Variants in IQCE observed in about 807,000 individuals in gnomAD.
IQCE encodes the protein IQ domain-containing protein E.
Under a neutral mutation model 96.0 loss-of-function variants are expected in IQCE, and 115 were observed. The ratio of observed to expected loss-of-function variants is 1.20; its 90% CI spans 1.03 to 1.40. The LOEUF is 1.40. Ranked by LOEUF, IQCE falls within the 40% of genes most tolerant of loss-of-function variation. The pLI, the probability that IQCE is intolerant of heterozygous loss-of-function variation, is 0.00. For synonymous variants in IQCE, 412 were observed against 371.2 expected (o/e 1.11, Z -1.26); for missense variants, 1,041 against 909.1 (o/e 1.15, Z -1.87).
intron 5 of IQCE, among the ~76,000 whole-genome samples, 185 bp from the exon 6 acceptor site, chr7:2,573,233 C>G (rs2304541): frequency 0.78 from 119,072 of 152,176 alleles, 47,098 homozygotes; most frequent in African/African-American, 0.88. Flanking sequence ...ACCATTTTTG[C>G]TTTTCTTGCT....
At chr7:2,560,801 C>T (rs866238044) in intron 1 of IQCE, among the ~76,000 whole-genome samples, 1 of 150,970 alleles carries the variant, frequency 6.6e-6, no homozygotes, top group Non-Finnish European at 1.5e-5. Flanking sequence ...ACTACAAATA[C>T]AAAAAATTAG....
rs74527069 is a variant in IQCE at position 2,587,806 on chromosome 7, G to T, written c.989-16G>T. Reference sequence around the variant, plus strand: ...CCCACCAGGATGCCGTTTTGAAACCGCATTGCTTCCATCAGGTTATGTGGA... The same window carrying T: ...CCCACCAGGATGCCGTTTTGAAACCTCATTGCTTCCATCAGGTTATGTGGA... On this transcript the variant is annotated splice_polypyrimidine_tract_variant and intron_variant, in intron 12 of 21. Transcript: ENST00000402050. 4.3e-6 allele frequency: 7 copies of T among 1,613,498 alleles called. No homozygotes were observed. The African/African-American group carries it at 8.0e-5, about 18-fold the overall frequency.
intron 8 of IQCE, 75 bp from the exon 9 acceptor site, chr7:2,582,505 C>G: frequency 8.0e-7 from 1 of 1,251,838 alleles, no homozygotes; most frequent in African/African-American, 1.5e-5. Context: ...TGCCGGTGCT[C>G]TGGCAGGAGG....
rs755938967 is a variant in IQCE, at chr7:2,573,417, G to A, written c.395-1G>A. On this transcript the variant is annotated splice_acceptor_variant, in intron 5 of 21. Transcript: ENST00000402050. LOFTEE classifies it high-confidence loss of function. ...GAAACGATTTGTTTATGTTTCTCTA[G>A]GTCATGTCCCTGGGACTCCTGTCTA... 1.4e-5 allele frequency: 20 copies of A among 1,409,898 alleles called. No individual in the cohort carries two copies. The South Asian group carries it at 2.3e-4, about 16-fold the overall frequency. The allele number at this position is 1,409,898 out of a possible 1,614,324, so 87.3% of individuals were successfully genotyped here.
At chr7:2,579,700 GGTGTGTGTGTGTGTGTGTGTGTGT>G (rs68086038) in intron 8 of IQCE, among the ~76,000 whole-genome samples, 2 of 133,006 alleles carry the variant, frequency 1.5e-5, no homozygotes, top group Non-Finnish European at 3.2e-5. Context: ...TTGTTCTGGT[GGTGTGTGTGTGTGTGTGTGTGTGT>G]GTGTGTGTGT....
At chr7:2,578,401 G>A (rs1416985223) in intron 7 of IQCE, 46 bp downstream of exon 7, 1 of 1,610,440 alleles carries the variant, frequency 6.2e-7, no homozygotes. Context: ...AGGGTCCTCG[G>A]GGCAGCATCT....
At chr7:2,578,941 C>T (rs1275667834) in intron 8 of IQCE, among the ~76,000 whole-genome samples, 1 of 152,012 alleles carries the variant, frequency 6.6e-6, no homozygotes, top group East Asian at 1.9e-4. Flanking sequence ...CTCCTGTAGT[C>T]CCGGCTACTC....
chr7:2,592,491 C>A (rs908070619), intron 14 of IQCE, among the ~76,000 whole-genome samples: 1 of 152,226 alleles, frequency 6.6e-6, no homozygotes, highest in African/African-American at 2.4e-5. Flanking sequence ...GACTCACAGG[C>A]CCTGAGCAGT....
At chr7:2,590,737 C>G (rs1274563470) in intron 14 of IQCE, among the ~76,000 whole-genome samples, 2 of 152,184 alleles carry the variant, frequency 1.3e-5, no homozygotes, top group African/African-American at 4.8e-5. Flanking sequence ...TGCACTCCAG[C>G]CTAGGCAACT....
intron 18 of IQCE, 136 bp downstream of exon 18, chr7:2,601,600 A>G: frequency 4.1e-6 from 3 of 735,180 alleles, no homozygotes; most frequent in Non-Finnish European, 7.3e-6. Context: ...CCCAGCCTGG[A>G]GTGCAGTGGT....
At position 2,559,161 on chromosome 7, in the gene IQCE, C is replaced by A; in HGVS notation, c.-21C>A. The A allele has an allele frequency of 8.3e-7, 1 of 1,207,832 alleles. No individual in the cohort carries two copies. Among genetic ancestry groups the A allele is most frequent in the Non-Finnish European group, 1.0e-6 (1 of 972,448 alleles). The allele number at this position is 1,207,832 out of a possible 1,614,324, so 74.8% of individuals were successfully genotyped here. On this transcript the variant is annotated 5_prime_UTR_variant, in exon 1 of 22. Coordinates refer to ENST00000402050, the MANE Select transcript of IQCE (RefSeq NM_152558.5). ...CGCCCGAGCCAGCAACCCTGAGGGG[C>A]GGCCGGGCAGCGCCGCCACCATGTT...
Position 2,601,436 on chromosome 7 carries a change from TC to T in IQCE, c.1609-3del. 2.0e-6 allele frequency: 3 copies of T among 1,532,516 alleles called. No individual in the cohort carries two copies. Among genetic ancestry groups the T allele is most frequent in the Non-Finnish European group, 2.7e-6 (3 of 1,119,956 alleles). 94.9% of individuals were successfully genotyped at this position (1,532,516 alleles called of 1,614,324 possible). Reference sequence around the variant, plus strand: ...TGTATTTTTTCTTTCTTTTTTTTTTTCCAGAAAAAAAAGGCTGTTCTGGATG... The same window carrying T: ...TGTATTTTTTCTTTCTTTTTTTTTTTCAGAAAAAAAAGGCTGTTCTGGATG... On this transcript the variant is annotated splice_polypyrimidine_tract_variant and splice_region_variant and intron_variant, in intron 17 of 21. Coordinates refer to ENST00000402050, the MANE Select transcript of IQCE (RefSeq NM_152558.5).
intron 1 of IQCE, chr7:2,559,504 G>A (rs1381237791): frequency 4.5e-6 from 1 of 222,952 alleles, no homozygotes; most frequent in Non-Finnish European, 8.7e-6. Flanking sequence ...CGGCCCGCAG[G>A]TGACGGAGCT....
chr7:2,599,353 G>A (rs909979363), intron 17 of IQCE, among the ~76,000 whole-genome samples: 4 of 151,500 alleles, frequency 2.6e-5, no homozygotes, highest in East Asian at 1.9e-4. Flanking sequence ...TCACCACCAC[G>A]CCCAGCTAAT....
chr7:2,607,112 GT>G lies in IQCE; in HGVS notation c.1866-5del, dbSNP rs533787347. 13 of 1,583,418 alleles carry G rather than the reference GT, an allele frequency of 8.2e-6. No homozygotes were observed. The highest frequency in any genetic ancestry group is 7.5e-5 in the Admixed American group (4 of 53,410). On this transcript the variant is annotated splice_polypyrimidine_tract_variant and intron_variant, in intron 20 of 21. Transcript: ENST00000402050. Reference sequence around the variant, plus strand: ...AAAGCAGAATCAGCTGGCGTTTTCTGTTTTTTTCCAGTGCTACCGGTAAAAG... The same window carrying G: ...AAAGCAGAATCAGCTGGCGTTTTCTGTTTTTTCCAGTGCTACCGGTAAAAG...
Position 2,587,828 on chromosome 7 carries a change from T to G in IQCE, c.995T>G (p.Val332Gly). ...ACCGCATTGCTTCCATCAGGTTATGTGGAGTGGAGCAAGCCCCGGCTGCTG... is the reference window on the plus strand; with the variant it reads ...ACCGCATTGCTTCCATCAGGTTATGGGGAGTGGAGCAAGCCCCGGCTGCTG... Reference protein sequence around the residue: ...SPTISKTQGYVEWSKPRLLRR... With the variant: ...SPTISKTQGYGEWSKPRLLRR... The change falls in exon 13 of 22, where the codon GTG (valine) becomes GGG (glycine). Residue 332 changes from valine (V) to glycine (G), a missense_variant. By Grantham distance (109) the Val-to-Gly change is moderately radical. Coordinates refer to ENST00000402050, the MANE Select transcript of IQCE (RefSeq NM_152558.5). 6.2e-7 allele frequency: 1 copy of G among 1,614,024 alleles called. No individual in the cohort carries two copies. The highest frequency in any genetic ancestry group is 8.5e-7 in the Non-Finnish European group (1 of 1,179,938).
chr7:2,571,424 G>A (rs895288700), intron 3 of IQCE, 102 bp from the exon 4 acceptor site: 5 of 1,464,326 alleles, frequency 3.4e-6, no homozygotes, highest in South Asian at 2.4e-5. Flanking sequence ...GAGTCACCAC[G>A]CTCGTGGATT....
intron 11 of IQCE, 102 bp from the exon 12 acceptor site, chr7:2,586,106 C>T: frequency 2.6e-6 from 3 of 1,137,560 alleles, no homozygotes; most frequent in South Asian, 1.6e-5. Context: ...ACTCTGAGCT[C>T]ACAACCAACA....
intron 20 of IQCE, among the ~76,000 whole-genome samples, chr7:2,606,654 G>C (rs958820540): frequency 2.0e-5 from 3 of 152,156 alleles, no homozygotes; most frequent in Non-Finnish European, 4.4e-5. Flanking sequence ...CGAGTGGGCA[G>C]TTTCTCCCTC....
Sources: allele counts gnomAD v4.1 joint callset (sites outside exome capture counted in the v4.1 genomes callset), GRCh38; gene constraint gnomAD v4.1.1; transcripts MANE v1.5; gene names NCBI Gene and HGNC (gene_info 2026-07-23, HGNC 2026-07-21).